SERGEF: variants seen among roughly 807,000 people sequenced by gnomAD.
SERGEF encodes secretion regulating guanine nucleotide exchange factor.
A neutral mutation model predicts 50.0 loss-of-function variants in SERGEF; 51 were observed. The observed-to-expected ratio is 1.02, with a 90% CI of 0.81 to 1.29. The LOEUF is 1.29. Among genes scored for constraint, SERGEF ranks in the 50% most tolerant of loss-of-function variants. SERGEF has a pLI of 0.00. For missense variants in SERGEF, 521 were observed against 557.0 expected (o/e 0.94, Z 0.65); for synonymous variants, 205 against 212.4 (o/e 0.97, Z 0.30).
intron 9 of SERGEF, among the ~76,000 whole-genome samples, chr11:17,931,137 ATTCT>A (rs1012164116): frequency 6.6e-6 from 1 of 152,166 alleles, no homozygotes; most frequent in African/African-American, 2.4e-5. Context: ...TATTTCAGGT[ATTCT>A]TTCTTATTTT....
chr11:17,823,926 G>A (rs7932686), intron 10 of SERGEF, among the ~76,000 whole-genome samples: 51,862 of 152,052 alleles, frequency 0.34, 9,089 homozygotes, highest in South Asian at 0.46. Context: ...CAGCCCTCAT[G>A]ACAGGTTTGG....
chr11:18,000,060 A>T (rs1333650342), intron 5 of SERGEF, among the ~76,000 whole-genome samples: 2 of 152,166 alleles, frequency 1.3e-5, no homozygotes, highest in Non-Finnish European at 2.9e-5. Flanking sequence ...TCTCCTTTTC[A>T]TCAGAACCAC....
intron 9 of SERGEF, among the ~76,000 whole-genome samples, chr11:17,881,481 G>C (rs1168481264): frequency 6.6e-6 from 1 of 152,204 alleles, no homozygotes; most frequent in Admixed American, 6.5e-5. Context: ...CAAAATCCCA[G>C]TGTTATACTC....
Position 18,007,943 on chromosome 11 carries a change from G to GT in SERGEF, c.193dup (p.Thr65AsnfsTer85), listed in dbSNP as rs780394470. On this transcript the variant is annotated frameshift_variant, in exon 2 of 11. Transcript: ENST00000265965. LOFTEE classifies it high-confidence loss of function. ...TATCTACTTTTGAAGGAAATTACCT[G>GT]TGACAACTGCAGAGTGGCCCCCTCC... The GT allele has an allele frequency of 6.2e-7, 1 of 1,611,284 alleles. No homozygotes were observed. The highest frequency in any genetic ancestry group is 1.1e-5 in the South Asian group (1 of 90,604).
At chr11:17,924,575 AT>A (rs1464788626) in intron 9 of SERGEF, among the ~76,000 whole-genome samples, 1 of 152,048 alleles carries the variant, frequency 6.6e-6, no homozygotes, top group Admixed American at 6.6e-5. Flanking sequence ...AGAGTGAAAC[AT>A]AGAAGCACTG....
intron 9 of SERGEF, among the ~76,000 whole-genome samples, chr11:17,952,019 G>A (rs1353211774): frequency 1.3e-5 from 2 of 152,068 alleles, no homozygotes; most frequent in Non-Finnish European, 2.9e-5. Flanking sequence ...ATCTAACCAC[G>A]AAGATTTAAG....
At chr11:17,996,005 C>G in intron 5 of SERGEF, 96 bp from the exon 6 acceptor site, 1 of 845,530 alleles carries the variant, frequency 1.2e-6, no homozygotes. Context: ...ATTCCCAATT[C>G]TTTCTCAGTT....
chr11:17,949,290 G>A (rs535265623), intron 9 of SERGEF, among the ~76,000 whole-genome samples: 8 of 152,162 alleles, frequency 5.3e-5, no homozygotes, highest in African/African-American at 9.6e-5. Flanking sequence ...TACAGGGCTC[G>A]CTCCTAAGGC....
chr11:17,951,993 G>C lies in SERGEF; in HGVS notation c.1011+7477C>G, dbSNP rs560863933. Among the ~76,000 whole-genome samples, 6 of 152,246 alleles carry C rather than the reference G, an allele frequency of 3.9e-5. No individual in the cohort carries two copies. The South Asian group carries it at 1.2e-3, about 32-fold the overall frequency. ...CTGCCCTAATCTCATCACTCCAGCA[G>C]ATAATTTTCCTTCCAATCTAACCAC... On this transcript the variant is annotated intron_variant, in intron 9 of 10. Coordinates refer to ENST00000265965, the MANE Select transcript of SERGEF (RefSeq NM_012139.4).
At chr11:17,794,706 G>A (rs767239247) in intron 10 of SERGEF, among the ~76,000 whole-genome samples, 11 of 152,200 alleles carry the variant, frequency 7.2e-5, no homozygotes, top group Non-Finnish European at 1.2e-4. Flanking sequence ...GAGAGATGAC[G>A]TGAACTGTGC....
intron 9 of SERGEF, among the ~76,000 whole-genome samples, chr11:17,890,958 T>C (rs1044769010): frequency 2.0e-5 from 3 of 152,148 alleles, no homozygotes; most frequent in East Asian, 1.9e-4. Context: ...ATGATACTCA[T>C]TGGAATATAA....
intron 10 of SERGEF, among the ~76,000 whole-genome samples, chr11:17,839,767 G>C (rs899512463): frequency 2.0e-5 from 3 of 152,142 alleles, no homozygotes; most frequent in African/African-American, 7.2e-5. Context: ...CACATCCTGA[G>C]GTGTTGGCTC....
intron 8 of SERGEF, among the ~76,000 whole-genome samples, chr11:17,980,456 T>G (rs1853474946): frequency 1.3e-5 from 2 of 152,172 alleles, no homozygotes; most frequent in African/African-American, 4.8e-5. Context: ...GTAAGTGATC[T>G]TATTAACTTT....
chr11:17,920,140 A>G (rs10832865), intron 9 of SERGEF, among the ~76,000 whole-genome samples: 115,801 of 150,660 alleles, frequency 0.77, 44,855 homozygotes, highest in Middle Eastern at 0.9. Context: ...CTAGCTACTC[A>G]GGAGGCTGAG....
In SERGEF at chr11:17,888,752, A is replaced by C. The variant is rs187082595; in HGVS notation, c.1012-10508T>G. Among the ~76,000 whole-genome samples the C allele has an allele frequency of 7.9e-5, 12 of 152,286 alleles. No homozygotes were observed. Among genetic ancestry groups the C allele is most frequent in the Non-Finnish European group, 1.3e-4 (9 of 68,020 alleles). On this transcript the variant is annotated intron_variant, in intron 9 of 10. Transcript: ENST00000265965. The surrounding 1 kb of genome is among the most constrained non-coding windows in gnomAD (Gnocchi z 4.1). The stretch of plus-strand genomic sequence containing the variant: ...GCAGCAATGAGTTTACTTGGTGCAC[A>C]GACCCTGGCTTTTAAATACCATTCA...
intron 10 of SERGEF, among the ~76,000 whole-genome samples, chr11:17,852,395 G>A (rs1453915127): frequency 6.6e-6 from 1 of 152,196 alleles, no homozygotes; most frequent in East Asian, 1.9e-4. Flanking sequence ...GCTCTGGGAA[G>A]GACCCAGCAA....
chr11:17,844,810 A>G (rs1850573329), intron 10 of SERGEF, among the ~76,000 whole-genome samples: 1 of 152,150 alleles, frequency 6.6e-6, no homozygotes, highest in Non-Finnish European at 1.5e-5. Context: ...GCTCTACGCC[A>G]GAGGTGTCCA....
At chr11:17,876,820 G>A (rs986015267) in intron 10 of SERGEF, among the ~76,000 whole-genome samples, 2 of 152,216 alleles carry the variant, frequency 1.3e-5, no homozygotes, top group African/African-American at 4.8e-5. Context: ...AATGTCCTAG[G>A]CACCGCCTTT....
intron 8 of SERGEF, among the ~76,000 whole-genome samples, chr11:17,975,035 G>A (rs1276843587): frequency 6.6e-6 from 1 of 152,202 alleles, no homozygotes; most frequent in Non-Finnish European, 1.5e-5. Flanking sequence ...ATGTGGCTGG[G>A]AAGCAGTAGT....
Sources: allele counts gnomAD v4.1 joint callset (sites outside exome capture counted in the v4.1 genomes callset), GRCh38; gene constraint gnomAD v4.1.1; non-coding constraint Gnocchi (gnomAD v3.1); transcripts MANE v1.5; gene names NCBI Gene and HGNC (gene_info 2026-07-23, HGNC 2026-07-21).